ZNF3: variants seen among roughly 807,000 people sequenced by gnomAD.
ZNF3 encodes the protein C2-H2 type zinc finger protein.
In ZNF3, 16 loss-of-function variants were observed where a neutral mutation model predicts 36.9. The observed-to-expected ratio is 0.43, with a 90% CI of 0.29 to 0.66. The LOEUF is 0.66. Among genes scored for constraint, ZNF3 ranks in the 30% least tolerant of loss-of-function variants. The pLI is 0.13. For missense variants in ZNF3, 462 were observed against 543.1 expected (o/e 0.85, Z 1.48); for synonymous variants, 201 against 201.9 (o/e 1.00, Z 0.04).
downstream of ZNF3, among the ~76,000 whole-genome samples, chr7:100,067,186 C>G (rs932661490): frequency 2.0e-5 from 3 of 152,204 alleles, no homozygotes; most frequent in African/African-American, 7.2e-5. Context: ...GTGGCAGAAT[C>G]TCCTACTATT....
chr7:100,071,878 AC>A lies in ZNF3; in HGVS notation c.605del (p.Cys202LeufsTer223). ...GATTAAAGCTCTTGCTACATTCATC[AC>A]ACTTATGGGGTCTGTCTCCCACGGG... ...RLPVGDRPHK[C>X]DECSKSFNRT... On this transcript the variant is annotated frameshift_variant, in exon 6 of 6. Transcript: ENST00000299667. LOFTEE classifies it high-confidence loss of function. The A allele has an allele frequency of 1.2e-6, 2 of 1,614,160 alleles. No individual in the cohort carries two copies. The highest frequency in any genetic ancestry group is 1.7e-6 in the Non-Finnish European group (2 of 1,180,018).
In ZNF3 at chr7:100,077,361, A is replaced by G. The variant is rs1417964550; in HGVS notation, c.-4T>C. On this transcript the variant is annotated 5_prime_UTR_variant, in exon 3 of 6. Coordinates refer to ENST00000299667, the MANE Select transcript of ZNF3 (RefSeq NM_032924.5). ...CGAGATCAGCCTGAGTTTCCATGGA[A>G]GGGCAAGGTGCTCTCTGGTCTCCTG... 6.2e-7 allele frequency: 1 copy of G among 1,613,942 alleles called. No homozygotes were observed. Among genetic ancestry groups the G allele is most frequent in the South Asian group, 1.1e-5 (1 of 91,076 alleles).
Position 100,075,222 on chromosome 7 carries a change from G to A in ZNF3, c.184C>T (p.Arg62Trp), listed in dbSNP as rs1350929811. Residue 62 changes from arginine (R) to tryptophan (W), a missense_variant, in exon 5 of 6, where the codon CGG (arginine) becomes TGG (tryptophan). Coordinates refer to ENST00000299667, the MANE Select transcript of ZNF3 (RefSeq NM_032924.5). ...TFEDVAVYFIRKEWKRLEPAQ... is the reference protein window; with the variant it reads ...TFEDVAVYFIWKEWKRLEPAQ... Reference sequence around the variant, plus strand: ...GGTTCCAAACGCTTCCACTCCTTCCGGATGAAGTACACAGCTACATCCTCA... The same window carrying A: ...GGTTCCAAACGCTTCCACTCCTTCCAGATGAAGTACACAGCTACATCCTCA... 2.3e-5 allele frequency: 37 copies of A among 1,614,036 alleles called. No individual in the cohort carries two copies. The highest frequency in any genetic ancestry group is 2.9e-5 in the Non-Finnish European group (34 of 1,180,044).
rs778109379 is a variant in ZNF3 at position 100,070,793 on chromosome 7, G to A, written c.*350C>T. ...TTCCACTGCTGTCTGTGCTGACTAC[G>A]CGGACTCCAACTAAAGGAATCCATC... On this transcript the variant is annotated 3_prime_UTR_variant, in exon 6 of 6. Transcript: ENST00000299667. 4.3e-5 allele frequency: 46 copies of A among 1,060,974 alleles called. No individual in the cohort carries two copies. Among genetic ancestry groups the A allele is most frequent in the Middle Eastern group, 4.6e-4 (1 of 2,190 alleles). 65.7% of individuals were successfully genotyped at this position (1,060,974 alleles called of 1,614,324 possible).
At chr7:100,068,315 C>A (rs1428051193), downstream of ZNF3, among the ~76,000 whole-genome samples, 2 of 151,912 alleles carry the variant, frequency 1.3e-5, no homozygotes. Flanking sequence ...ACTCTCACCT[C>A]GTGATCCGCC....
chr7:100,078,373 G>A (rs1323301883), intron 2 of ZNF3, among the ~76,000 whole-genome samples: 2 of 151,448 alleles, frequency 1.3e-5, no homozygotes, highest in East Asian at 3.9e-4. Flanking sequence ...GTGTGTGCCT[G>A]TAATCCCAGC....
In ZNF3 at chr7:100,081,157, C is replaced by T. The variant is rs775310452; in HGVS notation, c.-198+478G>A. ...ATTACCCCTGGAATCGGCGTCTGCA[C>T]CCACTCCCAGCCCTCGTGCTAACTG... On this transcript the variant is annotated intron_variant, in intron 1 of 5. Transcript: ENST00000299667. The surrounding 1 kb of genome is among the most constrained non-coding windows in gnomAD (Gnocchi z 4.3). Among the ~76,000 whole-genome samples the T allele has an allele frequency of 7.2e-5, 11 of 152,212 alleles. No homozygotes were observed. Among genetic ancestry groups the T allele is most frequent in the Non-Finnish European group, 1.5e-4 (10 of 68,048 alleles).
Position 100,071,838 on chromosome 7 carries a change from T to C in ZNF3, c.646A>G (p.Ile216Val), listed in dbSNP as rs748926793. The C allele has an allele frequency of 6.2e-7, 1 of 1,613,838 alleles. No homozygotes were observed. Among genetic ancestry groups the C allele is most frequent in the Non-Finnish European group, 8.5e-7 (1 of 1,179,894 alleles). The stretch of plus-strand genomic sequence containing the variant: ...CCAGTGTGGATTCTCTGATGTTGAA[T>C]AAGGTCTGAAGTTCGATTAAAGCTC... Reference protein sequence around the residue: ...SKSFNRTSDLIQHQRIHTGEK... With the variant: ...SKSFNRTSDLVQHQRIHTGEK... The change falls in exon 6 of 6, where the codon ATT (isoleucine) becomes GTT (valine). Residue 216 changes from isoleucine (I) to valine (V), a missense_variant. Transcript: ENST00000299667.
intron 5 of ZNF3, among the ~76,000 whole-genome samples, chr7:100,074,107 A>ACCACGCTATTGCACT (rs1793670342): frequency 6.6e-6 from 1 of 151,968 alleles, no homozygotes; most frequent in Non-Finnish European, 1.5e-5. Flanking sequence ...GTGAGCCGAG[A>ACCACGCTATTGCACT]CCACGCTATT....
exon 6 of ZNF3, chr7:100,064,573 T>G: frequency 6.2e-7 from 1 of 1,614,138 alleles, no homozygotes; most frequent in Non-Finnish European, 8.5e-7. Flanking sequence ...GTCCAATCTT[T>G]CCAAACATCA....
chr7:100,072,240 C>G (rs747274945), intron 5 of ZNF3, 28 bp from the exon 6 acceptor site: 1 of 1,528,152 alleles, frequency 6.5e-7, no homozygotes, highest in African/African-American at 1.4e-5. Context: ...GCAAATGTCA[C>G]TTGTTCCTTA....
At chr7:100,065,051 CTATTAT>C (rs901549938), downstream of ZNF3, 22 of 1,068,374 alleles carry the variant, frequency 2.1e-5, no homozygotes, top group Middle Eastern at 5.0e-4. Context: ...TGCCTCAGGA[CTATTAT>C]TATAACAAAT....
At chr7:100,080,412 T>C (rs1459167774) in intron 1 of ZNF3, among the ~76,000 whole-genome samples, 1 of 152,030 alleles carries the variant, frequency 6.6e-6, no homozygotes, top group African/African-American at 2.4e-5. Flanking sequence ...GAGGATTACT[T>C]GAGCCCAGGA....
chr7:100,076,665 C>T (rs1464424025), intron 3 of ZNF3, among the ~76,000 whole-genome samples: 1 of 152,108 alleles, frequency 6.6e-6, no homozygotes, highest in Non-Finnish European at 1.5e-5. Flanking sequence ...TCCGAAGCGC[C>T]TCCTCTAAAA....
Position 100,070,472 on chromosome 7 carries a change from C to A in ZNF3, c.*671G>T, listed in dbSNP as rs1324353505. 1.0e-6 allele frequency: 1 copy of A among 985,482 alleles called. No homozygotes were observed. Among genetic ancestry groups the A allele is most frequent in the African/African-American group, 1.7e-5 (1 of 57,220 alleles). 61.0% of individuals were successfully genotyped at this position (985,482 alleles called of 1,614,324 possible). On this transcript the variant is annotated 3_prime_UTR_variant, in exon 6 of 6. Transcript: ENST00000299667. ...GTTTGGACAGATTTGCCCATTCAGCCCCAGGACAACTGGGGGGGATGGCAG... is the reference window on the plus strand; with the variant it reads ...GTTTGGACAGATTTGCCCATTCAGCACCAGGACAACTGGGGGGGATGGCAG...
intron 1 of ZNF3, among the ~76,000 whole-genome samples, chr7:100,079,993 G>A (rs1280474652): frequency 1.3e-5 from 2 of 151,946 alleles, no homozygotes; most frequent in African/African-American, 2.4e-5. Context: ...ATGAGCCACC[G>A]AGTCCAGCCT....
At chr7:100,080,495 A>G (rs904668233) in intron 1 of ZNF3, among the ~76,000 whole-genome samples, 1 of 151,074 alleles carries the variant, frequency 6.6e-6, no homozygotes, top group Non-Finnish European at 1.5e-5. Context: ...ACCTTAATAC[A>G]CACACAAACA....
intron 5 of ZNF3, among the ~76,000 whole-genome samples, chr7:100,074,416 A>G (rs907226315): frequency 6.6e-6 from 1 of 152,104 alleles, no homozygotes; most frequent in Non-Finnish European, 1.5e-5. Context: ...GACTACAGGC[A>G]TGTGCCACCA....
chr7:100,065,423 C>CA (rs111230268), downstream of ZNF3, among the ~76,000 whole-genome samples: 4,751 of 119,254 alleles, frequency 0.04, 236 homozygotes, highest in African/African-American at 0.13. Context: ...GACTCTGTCT[C>CA]AAAAAAAAAA....
Sources: gnomAD v4.1 joint callset for allele counts (sites outside exome capture counted in the v4.1 genomes callset) on GRCh38, gnomAD v4.1.1 for gene constraint, Gnocchi (gnomAD v3.1) non-coding constraint, MANE v1.5 for transcripts, NCBI Gene and HGNC (gene_info 2026-07-23, HGNC 2026-07-21) for gene names.